RP1: variants seen among roughly 807,000 people sequenced by gnomAD.
RP1 encodes the protein oxygen-regulated protein 1.
RP1 carries 16 observed loss-of-function variants against 14.8 expected under a neutral mutation model. The ratio of observed to expected loss-of-function variants is 1.08; its 90% CI spans 0.73 to 1.65. The LOEUF (loss-of-function observed/expected upper bound fraction) is 1.65, where lower values mean the gene tolerates loss of function less well. RP1 is among the 40% of genes most tolerant of loss of function. The pLI is 0.00. For synonymous variants in RP1, 876 were observed against 883.6 expected (o/e 0.99, Z 0.15); for missense variants, 2,631 against 2,535.0 (o/e 1.04, Z -0.81).
rs201008674 is a variant in RP1, at chr8:54,625,608, G to T, written c.1726G>T (p.Val576Leu). The T allele has an allele frequency of 6.2e-7, 1 of 1,614,136 alleles. No homozygotes were observed. The highest frequency in any genetic ancestry group is 8.5e-7 in the Non-Finnish European group (1 of 1,180,014). The change falls in exon 4 of 4, where the codon GTG becomes TTG. Residue 576 changes from valine to leucine, a missense_variant. Coordinates refer to ENST00000220676, the MANE Select transcript of RP1 (RefSeq NM_006269.2). ...LPSTISNNSI[V>L]EEDVVDCVVL... ...ATCAACTATATCAAATAACTCAATT[G>T]TGGAGGAAGATGTAGTTGATTGTGT...
At chr8:54,752,681 A>G (rs900410782) in intron 19 of RP1, among the ~76,000 whole-genome samples, 6 of 152,188 alleles carry the variant, frequency 3.9e-5, no homozygotes, top group Admixed American at 1.3e-4. Context: ...GGGCACGCTC[A>G]TACCCACACA....
At chr8:54,816,120 A>T (rs1811127212) in intron 24 of RP1, among the ~76,000 whole-genome samples, 1 of 152,122 alleles carries the variant, frequency 6.6e-6, no homozygotes, top group African/African-American at 2.4e-5. Context: ...TAAAAATAAA[A>T]CCCTCACTCT....
At chr8:54,665,113 A>G (rs1806989100) in intron 7 of RP1, among the ~76,000 whole-genome samples, 3 of 152,188 alleles carry the variant, frequency 2.0e-5, no homozygotes, top group African/African-American at 7.2e-5. Flanking sequence ...CACTTGGTTC[A>G]TTCATCACTG....
chr8:54,753,065 A>T (rs2129365901), intron 19 of RP1, among the ~76,000 whole-genome samples: 1 of 152,330 alleles, frequency 6.6e-6, no homozygotes, highest in Non-Finnish European at 1.5e-5. Context: ...TTCTATTTTA[A>T]AGACCACAGA....
intron 6 of RP1, among the ~76,000 whole-genome samples, chr8:54,657,752 G>A (rs1300558187): frequency 1.3e-5 from 2 of 151,992 alleles, no homozygotes; most frequent in East Asian, 1.9e-4. Context: ...AACTCTAAAA[G>A]TGTTTGCCCA....
At chr8:54,836,490 C>T (rs1290609878) in intron 24 of RP1, among the ~76,000 whole-genome samples, 1 of 152,170 alleles carries the variant, frequency 6.6e-6, no homozygotes, top group Non-Finnish European at 1.5e-5. Flanking sequence ...ACATTTTTCT[C>T]CCAATGGTAG....
At chr8:54,709,176 G>C (rs933754785) in intron 15 of RP1, among the ~76,000 whole-genome samples, 9 of 152,176 alleles carry the variant, frequency 5.9e-5, no homozygotes, top group Non-Finnish European at 8.8e-5. Context: ...CCAGAGTCAG[G>C]ATACATGAGG....
chr8:54,697,749 C>A (rs1316500385), intron 12 of RP1, among the ~76,000 whole-genome samples: 1 of 152,140 alleles, frequency 6.6e-6, no homozygotes, highest in Non-Finnish European at 1.5e-5. Context: ...CATCTACAAC[C>A]AACTGATCTT....
chr8:54,860,486 A>C (rs541760995), intron 27 of RP1, among the ~76,000 whole-genome samples: 1 of 152,366 alleles, frequency 6.6e-6, no homozygotes, highest in East Asian at 1.9e-4. Flanking sequence ...GTAGAACTTC[A>C]AAACATTTAG....
chr8:54,783,680 G>A, exon 24 of RP1: 2 of 1,231,428 alleles, frequency 1.6e-6, no homozygotes, highest in Non-Finnish European at 2.0e-6. Context: ...AACACCAGCT[G>A]TTTAACCCTA....
At chr8:54,753,181 C>T (rs1027339815) in intron 19 of RP1, among the ~76,000 whole-genome samples, 2 of 152,204 alleles carry the variant, frequency 1.3e-5, no homozygotes, top group East Asian at 3.9e-4. Flanking sequence ...TTCAAGACCT[C>T]TTGCCTGGAG....
chr8:54,585,677 T>A (rs1300048883), intron 1 of RP1, among the ~76,000 whole-genome samples: 1 of 152,236 alleles, frequency 6.6e-6, no homozygotes, highest in East Asian at 1.9e-4. Context: ...CCTATATTTC[T>A]TGGAGGCTTT....
At chr8:54,668,778 G>A (rs1207937444) in intron 7 of RP1, among the ~76,000 whole-genome samples, 2 of 152,140 alleles carry the variant, frequency 1.3e-5, no homozygotes, top group African/African-American at 4.8e-5. Context: ...AATGGGGAAA[G>A]GATTCCCTAT....
chr8:54,812,528 A>G (rs943594914), intron 24 of RP1, among the ~76,000 whole-genome samples: 15 of 152,214 alleles, frequency 9.9e-5, no homozygotes, highest in Admixed American at 9.8e-4. Flanking sequence ...CAGTTCAGAC[A>G]TGTCATCCTC....
chr8:54,584,825 C>A (rs941630362), intron 1 of RP1, among the ~76,000 whole-genome samples: 1 of 152,126 alleles, frequency 6.6e-6, no homozygotes, highest in South Asian at 2.1e-4. Flanking sequence ...ATTGCAACCC[C>A]TGCCTTTTTT....
chr8:54,825,367 A>T (rs1811364756), intron 24 of RP1, among the ~76,000 whole-genome samples: 2 of 152,216 alleles, frequency 1.3e-5, no homozygotes, highest in Non-Finnish European at 2.9e-5. Flanking sequence ...CAGTGGTAAA[A>T]GTTCAGGAAA....
At chr8:54,803,795 C>T (rs1585706011) in intron 24 of RP1, among the ~76,000 whole-genome samples, 1 of 152,212 alleles carries the variant, frequency 6.6e-6, no homozygotes, top group East Asian at 1.9e-4. Flanking sequence ...ATGGGCCGGG[C>T]ACAATGGCTC....
At chr8:54,724,207 A>T (rs1808598526) in intron 16 of RP1, among the ~76,000 whole-genome samples, 1 of 152,238 alleles carries the variant, frequency 6.6e-6, no homozygotes, top group Admixed American at 6.5e-5. Context: ...TCTTAGAAAA[A>T]TATGACAAAA....
intron 1 of RP1, among the ~76,000 whole-genome samples, chr8:54,598,035 C>G (rs1457428401): frequency 6.6e-6 from 1 of 152,040 alleles, no homozygotes; most frequent in African/African-American, 2.4e-5. Context: ...TATCGTTAAC[C>G]CCTGCCAACC....
Sources: allele counts gnomAD v4.1 joint callset (sites outside exome capture counted in the v4.1 genomes callset), GRCh38; gene constraint gnomAD v4.1.1; transcripts MANE v1.5; gene names NCBI Gene and HGNC (gene_info 2026-07-23, HGNC 2026-07-21).